The following INTS9 variants were observed in gnomAD, a reference collection of about 807,000 sequenced individuals.
INTS9 encodes protein related to CPSF subunits of 74 kDa.
Under a neutral mutation model 79.7 loss-of-function variants are expected in INTS9, and 55 were observed. The observed-to-expected ratio is 0.69, with a 90% CI of 0.56 to 0.86. The LOEUF is 0.86. INTS9 is among the 40% of genes least tolerant of loss of function. The pLI, the probability that INTS9 is intolerant of heterozygous loss-of-function variation, is 0.00. For missense variants in INTS9, 721 were observed against 831.5 expected, an observed-to-expected ratio of 0.87 and a Z score of 1.64; for synonymous variants, 319 against 325.2, an observed-to-expected ratio of 0.98 and a Z score of 0.20.
intron 1 of INTS9, chr8:28,862,351 C>CT (rs1192914464): frequency 2.4e-6 from 1 of 412,056 alleles, no homozygotes; most frequent in Non-Finnish European, 3.3e-6. Flanking sequence ...GTGTGTGCTG[C>CT]TTCAACTCTT....
chr8:28,822,070 T>C (rs530814982), intron 6 of INTS9, among the ~76,000 whole-genome samples: 16 of 152,170 alleles, frequency 1.1e-4, no homozygotes, highest in African/African-American at 3.9e-4. Flanking sequence ...GTGCTTTATA[T>C]TACAATAAAA....
At chr8:28,886,107 T>C (rs1040855030) in intron 1 of INTS9, among the ~76,000 whole-genome samples, 3 of 152,100 alleles carry the variant, frequency 2.0e-5, no homozygotes, top group Admixed American at 1.3e-4. Context: ...ATAAATGGTA[T>C]CACAGGAGCT....
At chr8:28,810,588 C>G (rs1805055215) in intron 8 of INTS9, among the ~76,000 whole-genome samples, 1 of 151,964 alleles carries the variant, frequency 6.6e-6, no homozygotes, top group South Asian at 2.1e-4. Context: ...GTCCGGGTGA[C>G]AGAACAAGAC....
intron 11 of INTS9, among the ~76,000 whole-genome samples, chr8:28,785,743 A>G (rs896657448): frequency 1.3e-5 from 2 of 152,216 alleles, no homozygotes; most frequent in Non-Finnish European, 1.5e-5. Flanking sequence ...CAGAGCTGGA[A>G]GATACGTATG....
chr8:28,788,060 G>A (rs1373830543), intron 10 of INTS9, among the ~76,000 whole-genome samples, 171 bp from the exon 11 acceptor site: 1 of 152,122 alleles, frequency 6.6e-6, no homozygotes, highest in Non-Finnish European at 1.5e-5. Context: ...GATGTATCTT[G>A]TATGTTTTTA....
intron 6 of INTS9, among the ~76,000 whole-genome samples, chr8:28,834,885 C>G (rs567513344): frequency 4.7e-4 from 72 of 152,298 alleles, no homozygotes; most frequent in African/African-American, 1.7e-3. Context: ...CCATGTTGGT[C>G]AGGCTGGTCT....
intron 1 of INTS9, among the ~76,000 whole-genome samples, chr8:28,874,814 A>C (rs554105930): frequency 6.6e-6 from 1 of 152,338 alleles, no homozygotes; most frequent in East Asian, 1.9e-4. Flanking sequence ...TCAGATGTTA[A>C]TAACATTATA....
intron 8 of INTS9, among the ~76,000 whole-genome samples, chr8:28,808,176 C>T (rs901891266): frequency 2.7e-5 from 4 of 149,998 alleles, no homozygotes; most frequent in African/African-American, 9.8e-5. Flanking sequence ...GTCTTTGGCC[C>T]TCAGCCCTTT....
intron 5 of INTS9, 148 bp downstream of exon 5, chr8:28,837,489 C>A: frequency 1.3e-6 from 1 of 749,248 alleles, no homozygotes; most frequent in South Asian, 2.1e-5. Flanking sequence ...CATTCCTCAT[C>A]TAGAGAGTCG....
At chr8:28,797,279 T>C (rs1399448676) in intron 8 of INTS9, among the ~76,000 whole-genome samples, 1 of 152,204 alleles carries the variant, frequency 6.6e-6, no homozygotes, top group Non-Finnish European at 1.5e-5. Context: ...TATCGGAATA[T>C]GGAATTTAGG....
At chr8:28,840,966 A>T (rs1319998484) in intron 4 of INTS9, among the ~76,000 whole-genome samples, 1 of 151,866 alleles carries the variant, frequency 6.6e-6, no homozygotes, top group East Asian at 1.9e-4. Context: ...AAGTAAAAAA[A>T]AAAAGAAAGA....
chr8:28,770,220 T>G (rs1248831538), intron 15 of INTS9, among the ~76,000 whole-genome samples, 194 bp from the exon 16 acceptor site: 2 of 152,246 alleles, frequency 1.3e-5, no homozygotes, highest in African/African-American at 4.8e-5. Context: ...TGCTCAACTG[T>G]CCAGCCTACC....
At chr8:28,791,321 C>A (rs1169935894) in intron 10 of INTS9, among the ~76,000 whole-genome samples, 2 of 152,050 alleles carry the variant, frequency 1.3e-5, no homozygotes, top group Admixed American at 1.3e-4. Context: ...GGACAGGATC[C>A]CTCTAGCCTC....
At chr8:28,818,753 T>G (rs2131086009) in intron 6 of INTS9, among the ~76,000 whole-genome samples, 1 of 152,154 alleles carries the variant, frequency 6.6e-6, no homozygotes, top group Admixed American at 6.5e-5. Flanking sequence ...GTACCTCTGG[T>G]AGAATTCGGC....
At chr8:28,782,855 C>A (rs1401029378) in intron 11 of INTS9, among the ~76,000 whole-genome samples, 1 of 152,054 alleles carries the variant, frequency 6.6e-6, no homozygotes, top group Non-Finnish European at 1.5e-5. Flanking sequence ...GTAACTGAGA[C>A]CCTGTCACTA....
chr8:28,824,875 CCTTT>C (rs887012711), intron 6 of INTS9, among the ~76,000 whole-genome samples: 1 of 152,224 alleles, frequency 6.6e-6, no homozygotes, highest in African/African-American at 2.4e-5. Flanking sequence ...ATACTACCTT[CCTTT>C]GAGAGTTTCT....
intron 3 of INTS9, among the ~76,000 whole-genome samples, chr8:28,848,394 C>T (rs1807647697): frequency 6.6e-6 from 1 of 152,112 alleles, no homozygotes; most frequent in Non-Finnish European, 1.5e-5. Flanking sequence ...AGTACTGGTC[C>T]TTTTGAATTT....
chr8:28,867,366 TGCA>T (rs1286461507), intron 1 of INTS9, among the ~76,000 whole-genome samples: 1 of 151,598 alleles, frequency 6.6e-6, no homozygotes, highest in Admixed American at 6.6e-5. Context: ...TTGCAGTGAA[TGCA>T]GATCGTGCCA....
chr8:28,877,503 C>T (rs1347924146), intron 1 of INTS9, among the ~76,000 whole-genome samples: 2 of 152,014 alleles, frequency 1.3e-5, no homozygotes, highest in African/African-American at 2.4e-5. Flanking sequence ...TTGCAATAAA[C>T]CTTAATAAAA....
Sources: allele counts gnomAD v4.1 joint callset (sites outside exome capture counted in the v4.1 genomes callset), GRCh38; gene constraint gnomAD v4.1.1; transcripts MANE v1.5; gene names NCBI Gene and HGNC (gene_info 2026-07-23, HGNC 2026-07-21).